Variants in XYLT1 observed in about 807,000 individuals in gnomAD.
XYLT1 encodes beta-D-xylosyltransferase 1.
Under a neutral mutation model 91.3 loss-of-function variants are expected in XYLT1, and 36 were observed. That is an observed-to-expected ratio of 0.39 (90% CI 0.30 to 0.52). The LOEUF (loss-of-function observed/expected upper bound fraction) is 0.52. Among genes scored for constraint, XYLT1 ranks in the 20% least tolerant of loss-of-function variants. The pLI, the probability that XYLT1 is intolerant of heterozygous loss-of-function variation, is 0.68. For missense variants in XYLT1, 1,242 were observed against 1,284.5 expected, an observed-to-expected ratio of 0.97 and a Z score of 0.51; for synonymous variants, 588 against 532.0, an observed-to-expected ratio of 1.11 and a Z score of -1.45.
At chr16:17,365,022 G>A (rs7204976) in intron 1 of XYLT1, among the ~76,000 whole-genome samples, 5,065 of 152,190 alleles carry the variant, frequency 0.033, 281 homozygotes, top group African/African-American at 0.11. Flanking sequence ...CAAAGAATAC[G>A]ATTCCTGCCT....
chr16:17,316,882 C>T (rs113257929), intron 2 of XYLT1, among the ~76,000 whole-genome samples: 21,632 of 147,462 alleles, frequency 0.15, 1,940 homozygotes, highest in African/African-American at 0.25. Context: ...AGTGCAGTGG[C>T]GCAATCTCGG....
At chr16:17,449,625 T>C (rs1007070992) in intron 1 of XYLT1, among the ~76,000 whole-genome samples, 1 of 152,230 alleles carries the variant, frequency 6.6e-6, no homozygotes, top group Non-Finnish European at 1.5e-5. Flanking sequence ...CTGACAACAC[T>C]AGGTGTTGGA....
chr16:17,439,197 T>G (rs976707381), intron 1 of XYLT1, among the ~76,000 whole-genome samples: 2 of 152,234 alleles, frequency 1.3e-5, no homozygotes, highest in Non-Finnish European at 2.9e-5. Context: ...TGGCACAATT[T>G]CTTCCTCCTG....
At chr16:17,128,509 G>C (rs192685678) in intron 9 of XYLT1, among the ~76,000 whole-genome samples, 1 of 151,962 alleles carries the variant, frequency 6.6e-6, no homozygotes, top group Non-Finnish European at 1.5e-5. Flanking sequence ...CCTTTCATTC[G>C]TCTCTCTCTC....
chr16:17,438,970 T>C (rs1222192860), intron 1 of XYLT1, among the ~76,000 whole-genome samples: 1 of 152,208 alleles, frequency 6.6e-6, no homozygotes, highest in Non-Finnish European at 1.5e-5. Flanking sequence ...TGATCTTGTA[T>C]GAGTCAGTAC....
rs16968582 is a variant in XYLT1, at chr16:17,220,082, A to C, written c.914-19428T>G. Among the ~76,000 whole-genome samples the C allele has an allele frequency of 8.4e-3, 1,275 of 152,284 alleles. 16 individuals are homozygous for C. The highest frequency in any genetic ancestry group is 0.028 in the African/African-American group (1,178 of 41,542). On this transcript the variant is annotated intron_variant, in intron 3 of 11. Transcript: ENST00000261381. The stretch of plus-strand genomic sequence containing the variant: ...TTTTTTGACAGGATGCAGTTAAGAT[A>C]AGCCTTTAAGGAGACAGAACGTGTG...
intron 1 of XYLT1, among the ~76,000 whole-genome samples, chr16:17,371,770 T>C (rs2035535776): frequency 6.6e-6 from 1 of 152,226 alleles, no homozygotes; most frequent in African/African-American, 2.4e-5. Flanking sequence ...TCACATCTGC[T>C]TCTGCTGTGT....
intron 1 of XYLT1, among the ~76,000 whole-genome samples, chr16:17,447,646 G>A (rs1054339262): frequency 3.9e-5 from 6 of 152,184 alleles, no homozygotes; most frequent in African/African-American, 1.4e-4. Flanking sequence ...TACATCCCAG[G>A]GAGAAGGAGA....
chr16:17,265,564 G>A (rs2033792294), intron 2 of XYLT1, among the ~76,000 whole-genome samples: 1 of 152,140 alleles, frequency 6.6e-6, no homozygotes, highest in Admixed American at 6.5e-5. Flanking sequence ...TTACCTCTAA[G>A]CTGCTGCTAG....
rs184844045 is a variant in XYLT1 at position 17,413,166 on chromosome 16, C to T, written c.364-55116G>A. Among the ~76,000 whole-genome samples the T allele has an allele frequency of 4.6e-5, 7 of 152,300 alleles. No homozygotes were observed. In the East Asian group the frequency reaches 1.2e-3, roughly 25 times the overall value. Reference sequence around the variant, plus strand: ...GCCCAAAGAGAGGTATGGCCACAGTCATCCTATTTGTGCCCCCGGGACCTG... The same window carrying T: ...GCCCAAAGAGAGGTATGGCCACAGTTATCCTATTTGTGCCCCCGGGACCTG... On this transcript the variant is annotated intron_variant, in intron 1 of 11. Coordinates refer to ENST00000261381, the MANE Select transcript of XYLT1 (RefSeq NM_022166.4).
rs538088796 is a variant in XYLT1, at chr16:17,312,386, G to C, written c.402+45626C>G. On this transcript the variant is annotated intron_variant, in intron 2 of 11. Transcript: ENST00000261381. The surrounding 1 kb of genome is among the most constrained non-coding windows in gnomAD (Gnocchi z 4.4). ...TCCCTGAAATCCTCATGATCATCAG[G>C]GCTGGCATTCCTGTAGCGCTTACCA... 6.6e-6 allele frequency among the ~76,000 whole-genome samples: 1 copy of C among 152,056 alleles called. No individual in the cohort carries two copies. Among genetic ancestry groups the C allele is most frequent in the Non-Finnish European group, 1.5e-5 (1 of 68,008 alleles).
chr16:17,225,090 G>C (rs544868844), intron 3 of XYLT1, among the ~76,000 whole-genome samples: 1 of 151,948 alleles, frequency 6.6e-6, no homozygotes, highest in Non-Finnish European at 1.5e-5. Flanking sequence ...TAGTCTTCCA[G>C]GAAGAGTCAT....
At chr16:17,318,552 ATGT>A (rs1441793633) in intron 2 of XYLT1, among the ~76,000 whole-genome samples, 1 of 152,214 alleles carries the variant, frequency 6.6e-6, no homozygotes, top group East Asian at 1.9e-4. Flanking sequence ...TGCAAAGATG[ATGT>A]TTGTGCTTTA....
At chr16:17,406,907 A>G (rs954227940) in intron 1 of XYLT1, among the ~76,000 whole-genome samples, 2 of 152,208 alleles carry the variant, frequency 1.3e-5, no homozygotes, top group Admixed American at 1.3e-4. Context: ...AAAATAAAAC[A>G]TAAGAACATA....
chr16:17,284,862 G>A (rs954495382), intron 2 of XYLT1, among the ~76,000 whole-genome samples: 1 of 152,210 alleles, frequency 6.6e-6, no homozygotes, highest in Non-Finnish European at 1.5e-5. Context: ...GAGGAAGATG[G>A]GGCTGTGATA....
At chr16:17,307,348 T>A (rs902785423) in intron 2 of XYLT1, among the ~76,000 whole-genome samples, 1 of 152,226 alleles carries the variant, frequency 6.6e-6, no homozygotes, top group Non-Finnish European at 1.5e-5. Context: ...ATGTTGGGAT[T>A]ATAGGCATGA....
chr16:17,373,268 C>T (rs1013882125), intron 1 of XYLT1, among the ~76,000 whole-genome samples: 33 of 152,156 alleles, frequency 2.2e-4, no homozygotes, highest in Admixed American at 1.2e-3. Flanking sequence ...CAAGTTGTGG[C>T]GTCTGAGAAA....
At chr16:17,134,853 G>T in intron 8 of XYLT1, 118 bp from the exon 9 acceptor site, 1 of 1,245,422 alleles carries the variant, frequency 8.0e-7, no homozygotes, top group Non-Finnish European at 1.1e-6. Context: ...AATTAGCTCC[G>T]ATACTTTTTG....
intron 2 of XYLT1, among the ~76,000 whole-genome samples, chr16:17,337,934 G>C (rs892954297): frequency 1.3e-5 from 2 of 151,920 alleles, no homozygotes; most frequent in Admixed American, 1.3e-4. Flanking sequence ...GCGCCACCAC[G>C]TCCGGCTAAT....
Sources: gnomAD v4.1 joint callset for allele counts (sites outside exome capture counted in the v4.1 genomes callset) on GRCh38, gnomAD v4.1.1 for gene constraint, Gnocchi (gnomAD v3.1) non-coding constraint, MANE v1.5 for transcripts, NCBI Gene and HGNC (gene_info 2026-07-23, HGNC 2026-07-21) for gene names.